Variants in SLC39A10 observed in about 807,000 individuals in gnomAD.
SLC39A10 encodes the protein solute carrier family 39 member 10.
A neutral mutation model predicts 65.1 loss-of-function variants in SLC39A10; 13 were observed. The ratio of observed to expected loss-of-function variants is 0.20; its 90% CI spans 0.13 to 0.32. The LOEUF (loss-of-function observed/expected upper bound fraction) is 0.32. Among genes scored for constraint, SLC39A10 ranks in the 10% least tolerant of loss-of-function variants. The pLI, the probability that SLC39A10 is intolerant of heterozygous loss-of-function variation, is 1.00. For missense variants in SLC39A10, 831 were observed against 1,018.4 expected (o/e 0.82, Z 2.50); for synonymous variants, 321 against 342.2 (o/e 0.94, Z 0.68).
intron 3 of SLC39A10, among the ~76,000 whole-genome samples, chr2:195,686,098 T>A (rs1196793755): frequency 6.6e-6 from 1 of 152,080 alleles, no homozygotes; most frequent in Non-Finnish European, 1.5e-5. Context: ...GGATAGTAAT[T>A]AAAATGAGCA....
chr2:195,675,464 C>CT (rs370157172), intron 1 of SLC39A10, among the ~76,000 whole-genome samples: 34 of 152,304 alleles, frequency 2.2e-4, no homozygotes, highest in African/African-American at 7.9e-4. Flanking sequence ...GAGACATAGT[C>CT]TCGCTCTGTC....
chr2:195,630,457 G>T (rs1257619698), intron 2 of SLC39A10, among the ~76,000 whole-genome samples: 1 of 152,158 alleles, frequency 6.6e-6, no homozygotes, highest in Non-Finnish European at 1.5e-5. Flanking sequence ...CTGTCCTCTT[G>T]GTTTTTCAGA....
chr2:195,622,467 G>T (rs1489513726), intron 2 of SLC39A10, among the ~76,000 whole-genome samples: 1 of 152,208 alleles, frequency 6.6e-6, no homozygotes, highest in Non-Finnish European at 1.5e-5. Flanking sequence ...TCCCGGAAGT[G>T]TTTTTTGGGT....
At chr2:195,619,316 G>C (rs578182906) in intron 2 of SLC39A10, among the ~76,000 whole-genome samples, 5 of 152,148 alleles carry the variant, frequency 3.3e-5, no homozygotes, top group Non-Finnish European at 7.3e-5. Context: ...TTAGCTATAG[G>C]TAGTAAAAGA....
intron 1 of SLC39A10, among the ~76,000 whole-genome samples, chr2:195,666,039 G>T (rs567795955): frequency 6.6e-6 from 1 of 152,146 alleles, no homozygotes; most frequent in Admixed American, 6.6e-5. Flanking sequence ...TAATTAGCTT[G>T]ATTTTTTTGT....
intron 2 of SLC39A10, among the ~76,000 whole-genome samples, chr2:195,622,700 C>T (rs1441639363): frequency 2.0e-5 from 3 of 152,134 alleles, no homozygotes; most frequent in Non-Finnish European, 2.9e-5. Flanking sequence ...GGGCCGGGCG[C>T]GGTGGCTCAC....
intron 1 of SLC39A10, among the ~76,000 whole-genome samples, chr2:195,671,948 G>A (rs182832413): frequency 2.3e-4 from 35 of 151,914 alleles, no homozygotes; most frequent in African/African-American, 8.2e-4. Context: ...ACTCAGACCC[G>A]GAGCGGTCAT....
rs1367530855 is a variant in SLC39A10 at position 195,680,585 on chromosome 2, C to T, written c.543C>T (p.His181=). 5.0e-6 allele frequency: 8 copies of T among 1,613,946 alleles called. No individual in the cohort carries two copies. The highest frequency in any genetic ancestry group is 6.8e-6 in the Non-Finnish European group (8 of 1,180,030). Residue 181 remains histidine, a synonymous_variant, in exon 2 of 10, where the codon CAC becomes CAT. Transcript: ENST00000359634. The stretch of plus-strand genomic sequence containing the variant: ...ACCATAATCACCGCCTACGTCATCA[C>T]CATCGTTTGCATCATCATCTTGATC... The part of the protein sequence containing the change: ...MHDHNHRLRH[H]HRLHHHLDHN...
In SLC39A10 at chr2:195,680,551, A is replaced by C. The variant is rs942689494; in HGVS notation, c.509A>C (p.His170Pro). The C allele has an allele frequency of 6.2e-7, 1 of 1,614,098 alleles. No homozygotes were observed. Among genetic ancestry groups the C allele is most frequent in the African/African-American group, 1.3e-5 (1 of 74,922 alleles). ...GTGTCTGTAAAATCTGATGATAAACATATGCATGACCATAATCACCGCCTA... is the reference window on the plus strand; with the variant it reads ...GTGTCTGTAAAATCTGATGATAAACCTATGCATGACCATAATCACCGCCTA... ...VEVSVKSDDK[H>P]MHDHNHRLRH... Residue 170 changes from histidine (H) to proline (P), a missense_variant, in exon 2 of 10, where the codon CAT becomes CCT. By Grantham distance (77) the His-to-Pro change is moderately conservative. Coordinates refer to ENST00000359634, the MANE Select transcript of SLC39A10 (RefSeq NM_020342.3).
rs1014146668 is a variant in SLC39A10 at position 195,728,608 on chromosome 2, C to T, written c.2337+259C>T. On this transcript the variant is annotated intron_variant, in intron 9 of 9. Transcript: ENST00000359634. This position sits in a 1 kb window ranked among gnomAD's most constrained non-coding sequence, Gnocchi z 4.4. ...TTATAATTACAGAATTATTATACTA[C>T]TTTAAAGACTTTGTAATATTGGTGT... is the stretch of plus-strand genomic sequence containing the variant. Among the ~76,000 whole-genome samples, 1 of 152,052 alleles carries T rather than the reference C, an allele frequency of 6.6e-6. No individual in the cohort carries two copies. Among genetic ancestry groups the T allele is most frequent in the Non-Finnish European group, 1.5e-5 (1 of 68,024 alleles).
At chr2:195,734,390 T>TGA (rs892266006) in intron 9 of SLC39A10, among the ~76,000 whole-genome samples, 24 of 152,086 alleles carry the variant, frequency 1.6e-4, no homozygotes, top group Non-Finnish European at 3.4e-4. Flanking sequence ...CTTGAACTCC[T>TGA]GACCCCATGA....
chr2:195,682,194 T>G (rs1297084147), intron 2 of SLC39A10, among the ~76,000 whole-genome samples: 1 of 152,190 alleles, frequency 6.6e-6, no homozygotes, highest in African/African-American at 2.4e-5. Flanking sequence ...ATTTTTAGCA[T>G]TCTTATTAAA....
In SLC39A10 at chr2:195,706,598, T is replaced by C. The variant is rs766485886; in HGVS notation, c.1217-18T>C. On this transcript the variant is annotated intron_variant, in intron 3 of 9. Transcript: ENST00000359634. ...TAAATTGTTATACTAATGTTGACTC[T>C]TAATTTCTTTTCTACAGCCTGGATT... 3.7e-6 allele frequency: 6 copies of C among 1,606,694 alleles called. No homozygotes were observed. The African/African-American group carries it at 4.0e-5, about 11-fold the overall frequency.
At chr2:195,681,083 G>T (rs367986449) in intron 2 of SLC39A10, 33 bp downstream of exon 2, 1 of 1,560,838 alleles carries the variant, frequency 6.4e-7, no homozygotes. Flanking sequence ...TAGCTGCTTC[G>T]TAATTCTCAC....
chr2:195,651,413 A>G (rs1167811978), intron 2 of SLC39A10, among the ~76,000 whole-genome samples: 1 of 152,164 alleles, frequency 6.6e-6, no homozygotes, highest in Non-Finnish European at 1.5e-5. Flanking sequence ...AATGAATAGT[A>G]GCTATTAAGT....
At chr2:195,638,330 T>A (rs1688732765) in intron 2 of SLC39A10, among the ~76,000 whole-genome samples, 1 of 152,018 alleles carries the variant, frequency 6.6e-6, no homozygotes, top group South Asian at 2.1e-4. Flanking sequence ...GCTACTTTTT[T>A]AAACTTTTTT....
chr2:195,623,194 T>C (rs572476297), intron 2 of SLC39A10, among the ~76,000 whole-genome samples: 142 of 152,228 alleles, frequency 9.3e-4, no homozygotes, highest in African/African-American at 3.3e-3. Context: ...CCCTTCAAAG[T>C]AGAATTTCAG....
At chr2:195,624,328 C>T (rs1021731872) in intron 2 of SLC39A10, among the ~76,000 whole-genome samples, 9 of 143,786 alleles carry the variant, frequency 6.3e-5, no homozygotes, top group Non-Finnish European at 1.1e-4. Context: ...CAGAGGTTAC[C>T]GTGAGCCGAA....
chr2:195,626,647 T>A (rs926227814), intron 2 of SLC39A10, among the ~76,000 whole-genome samples: 2 of 152,160 alleles, frequency 1.3e-5, no homozygotes, highest in Non-Finnish European at 2.9e-5. Flanking sequence ...GTAGAAGAGC[T>A]TCATTTAAAT....
Sources: gnomAD v4.1 joint callset for allele counts (sites outside exome capture counted in the v4.1 genomes callset) on GRCh38, gnomAD v4.1.1 for gene constraint, Gnocchi (gnomAD v3.1) non-coding constraint, MANE v1.5 for transcripts, NCBI Gene and HGNC (gene_info 2026-07-23, HGNC 2026-07-21) for gene names.